Variants in BNC2 observed in about 807,000 individuals in gnomAD.
The protein encoded by BNC2 is basonuclin zinc finger protein 2, also known as zinc finger protein basonuclin-2.
Under a neutral mutation model 76.3 loss-of-function variants are expected in BNC2, and 20 were observed. The observed-to-expected ratio is 0.26, with a 90% confidence interval of 0.18 to 0.38. BNC2 has a LOEUF of 0.38. BNC2 is among the 10% of genes least tolerant of loss of function. BNC2 has a pLI of 1.00. For synonymous variants in BNC2, 582 were observed against 514.8 expected (o/e 1.13, Z -1.77); for missense variants, 1,382 against 1,399.8 (o/e 0.99, Z 0.20).
chr9:16,844,455 G>A (rs1210802449), intron 1 of BNC2, among the ~76,000 whole-genome samples: 3 of 150,638 alleles, frequency 2.0e-5, no homozygotes, highest in Non-Finnish European at 4.4e-5. Context: ...TCTAGGGATG[G>A]GGAGCAAGAG....
intron 5 of BNC2, among the ~76,000 whole-genome samples, chr9:16,551,817 G>T (rs1051712080): frequency 2.6e-5 from 4 of 152,184 alleles, no homozygotes; most frequent in Non-Finnish European, 5.9e-5. Flanking sequence ...AAGAAAGAGA[G>T]GGATGGGAGA....
At chr9:16,581,203 C>A (rs188979464) in intron 4 of BNC2, among the ~76,000 whole-genome samples, 125 of 152,242 alleles carry the variant, frequency 8.2e-4, no homozygotes, top group African/African-American at 2.8e-3. Context: ...TAAAATGAGG[C>A]CCTTAGGGTG....
At chr9:16,826,648 A>G (rs887692365) in intron 1 of BNC2, among the ~76,000 whole-genome samples, 1 of 152,198 alleles carries the variant, frequency 6.6e-6, no homozygotes, top group African/African-American at 2.4e-5. Flanking sequence ...TATAGTAAAC[A>G]AGTAGCCCTT....
chr9:16,715,761 A>C (rs1339045178), intron 3 of BNC2, among the ~76,000 whole-genome samples: 1 of 151,708 alleles, frequency 6.6e-6, no homozygotes, highest in Non-Finnish European at 1.5e-5. Flanking sequence ...CACTAGACTC[A>C]CTCTACTTGT....
At chr9:16,779,834 T>G (rs950529542) in intron 1 of BNC2, among the ~76,000 whole-genome samples, 2 of 152,084 alleles carry the variant, frequency 1.3e-5, no homozygotes, top group Admixed American at 6.5e-5. Flanking sequence ...GGAATGGCAG[T>G]GTTGTGGGGG....
intron 5 of BNC2, among the ~76,000 whole-genome samples, chr9:16,494,542 G>A (rs955464834): frequency 1.3e-5 from 2 of 152,192 alleles, no homozygotes; most frequent in Non-Finnish European, 2.9e-5. Flanking sequence ...AGATACAGCA[G>A]TCAGGGCAAG....
In BNC2 at chr9:16,485,128, AC is replaced by A. The variant is rs1412455410; in HGVS notation, c.670-47605del. On this transcript the variant is annotated intron_variant, in intron 5 of 6. Transcript: ENST00000380672. ...CACACACAGACACACACACACACAC[AC>A]ACTATTTCTATTTTTTTTCTCTGAA... is the stretch of plus-strand genomic sequence containing the variant. 1.1e-4 allele frequency among the ~76,000 whole-genome samples: 16 copies of A among 151,696 alleles called. No individual in the cohort carries two copies. The East Asian group carries it at 3.1e-3, about 29-fold the overall frequency.
intron 5 of BNC2, among the ~76,000 whole-genome samples, chr9:16,502,320 C>T (rs986155100): frequency 6.6e-6 from 1 of 152,166 alleles, no homozygotes; most frequent in Non-Finnish European, 1.5e-5. Flanking sequence ...TGCATTCTAG[C>T]CTGGGCGACA....
intron 6 of BNC2, among the ~76,000 whole-genome samples, chr9:16,425,140 T>G: frequency 6.6e-6 from 1 of 152,196 alleles, no homozygotes; most frequent in East Asian, 1.9e-4. Context: ...ATTAAAAGTA[T>G]GAAACTCAGT....
chr9:16,700,155 C>T (rs576317748), intron 3 of BNC2, among the ~76,000 whole-genome samples: 1 of 152,130 alleles, frequency 6.6e-6, no homozygotes. Context: ...ACACAGACTT[C>T]AGTTAGACAT....
chr9:16,758,597 G>C (rs932158122), intron 1 of BNC2, among the ~76,000 whole-genome samples: 1 of 152,124 alleles, frequency 6.6e-6, no homozygotes, highest in African/African-American at 2.4e-5. Context: ...CCAAGGTGCT[G>C]AGATTACGGG....
intron 1 of BNC2, among the ~76,000 whole-genome samples, chr9:16,856,647 T>C (rs1423853699): frequency 1.3e-5 from 2 of 152,222 alleles, no homozygotes; most frequent in Non-Finnish European, 2.9e-5. Flanking sequence ...GTAGAATTTC[T>C]GGGTTTAAAA....
intron 5 of BNC2, among the ~76,000 whole-genome samples, chr9:16,505,835 G>C (rs567820444): frequency 6.6e-6 from 1 of 152,248 alleles, no homozygotes; most frequent in African/African-American, 2.4e-5. Flanking sequence ...GAACAAGTCA[G>C]TTTCTGAAGC....
chr9:16,595,306 T>A (rs1280762812), intron 3 of BNC2, among the ~76,000 whole-genome samples: 1 of 152,170 alleles, frequency 6.6e-6, no homozygotes, highest in Non-Finnish European at 1.5e-5. Flanking sequence ...GTTTCTTCAC[T>A]TAAAAGCAGG....
intron 3 of BNC2, among the ~76,000 whole-genome samples, chr9:16,689,741 A>G (rs577159014): frequency 6.6e-6 from 1 of 152,312 alleles, no homozygotes; most frequent in East Asian, 1.9e-4. Context: ...CCGGATTCCA[A>G]GCCAAAAGGA....
chr9:16,707,224 A>T (rs1416681873), intron 3 of BNC2, among the ~76,000 whole-genome samples: 2 of 149,776 alleles, frequency 1.3e-5, no homozygotes, highest in Non-Finnish European at 3.0e-5. Context: ...AAACAACAGC[A>T]ATAGACATTT....
At chr9:16,685,162 T>C (rs890842066) in intron 3 of BNC2, among the ~76,000 whole-genome samples, 2 of 152,190 alleles carry the variant, frequency 1.3e-5, no homozygotes, top group Non-Finnish European at 1.5e-5. Flanking sequence ...AACTGCTGAA[T>C]ATATGTCAGG....
intron 3 of BNC2, among the ~76,000 whole-genome samples, chr9:16,583,302 T>C (rs569406446): frequency 6.6e-6 from 1 of 152,128 alleles, no homozygotes; most frequent in Non-Finnish European, 1.5e-5. Flanking sequence ...TTTAGGTCAT[T>C]CACAGTAACC....
chr9:16,494,177 G>A (rs561846635), intron 5 of BNC2, among the ~76,000 whole-genome samples: 59 of 151,640 alleles, frequency 3.9e-4, no homozygotes, highest in African/African-American at 1.1e-3. Flanking sequence ...TTTTGGAGAC[G>A]GAGTCTTGCT....
Sources: allele counts gnomAD v4.1 joint callset (sites outside exome capture counted in the v4.1 genomes callset), GRCh38; gene constraint gnomAD v4.1.1; transcripts MANE v1.5; gene names NCBI Gene and HGNC (gene_info 2026-07-23, HGNC 2026-07-21).